RAB19: variants seen among roughly 807,000 people sequenced by gnomAD.
The protein encoded by RAB19 is ras-related protein Rab-19.
A neutral mutation model predicts 17.3 loss-of-function variants in RAB19; 21 were observed. The observed-to-expected ratio is 1.21, with a 90% CI of 0.86 to 1.74. The LOEUF (loss-of-function observed/expected upper bound fraction) is 1.74. RAB19 is among the 40% of genes most tolerant of loss of function. RAB19 has a pLI of 0.00. For synonymous variants in RAB19, 126 were observed against 110.4 expected, an observed-to-expected ratio of 1.14 and a Z score of -0.88; for missense variants, 277 against 286.8, an observed-to-expected ratio of 0.97 and a Z score of 0.25.
chr7:140,426,047 G>A lies in RAB19; in HGVS notation c.551G>A (p.Ser184Asn). 8 of 1,614,148 alleles carry A rather than the reference G, an allele frequency of 5.0e-6. No homozygotes were observed. The highest frequency in any genetic ancestry group is 6.8e-6 in the Non-Finnish European group (8 of 1,180,028). Residue 184 changes from serine to asparagine, a missense_variant, in exon 4 of 4, where the codon AGC becomes AAC. By Grantham distance (46) the Ser-to-Asn change is conservative. Coordinates refer to ENST00000537763, the MANE Select transcript of RAB19 (RefSeq NM_001008749.3). ...LMAKELIARNSLHLYGESALN... is the reference protein window; with the variant it reads ...LMAKELIARNNLHLYGESALN... ...GCCAAGGAGCTGATCGCGCGCAACAGCCTGCACCTATATGGGGAGAGTGCC... is the reference window on the plus strand; with the variant it reads ...GCCAAGGAGCTGATCGCGCGCAACAACCTGCACCTATATGGGGAGAGTGCC...
At chr7:140,415,853 T>G (rs111415111) in intron 3 of RAB19, among the ~76,000 whole-genome samples, 5 of 150,030 alleles carry the variant, frequency 3.3e-5, no homozygotes, top group South Asian at 2.1e-4. Context: ...TGCAGTGAGC[T>G]GAGATCACAC....
intron 3 of RAB19, among the ~76,000 whole-genome samples, chr7:140,418,396 C>CA (rs140238398): frequency 0.011 from 761 of 70,340 alleles, 14 homozygotes; most frequent in Middle Eastern, 0.022. Flanking sequence ...TGCTAAAATA[C>CA]AAAAAAAAAA....
chr7:140,409,088 G>T (rs1209082446), intron 2 of RAB19, among the ~76,000 whole-genome samples: 2 of 152,156 alleles, frequency 1.3e-5, no homozygotes, highest in African/African-American at 4.8e-5. Context: ...TAGTGGCCAG[G>T]CAAGGTGGCT....
intron 3 of RAB19, among the ~76,000 whole-genome samples, chr7:140,424,682 T>TATAC (rs1198729969): frequency 0.027 from 2,500 of 91,944 alleles, 73 homozygotes; most frequent in African/African-American, 0.11. Context: ...TATATATATA[T>TATAC]ACACATATCT....
In RAB19 at chr7:140,418,688, A is replaced by T. The variant is rs571865440; in HGVS notation, c.385+6631A>T. On this transcript the variant is annotated intron_variant, in intron 3 of 3. Coordinates refer to ENST00000537763, the MANE Select transcript of RAB19 (RefSeq NM_001008749.3). ...AGCCTGAACAACATAGGGAGACCCG[A>T]TCTCTACAAAAAAATTACAAATTAG... is the stretch of plus-strand genomic sequence containing the variant. Among the ~76,000 whole-genome samples the T allele has an allele frequency of 1.9e-4, 29 of 151,814 alleles. No individual in the cohort carries two copies. The South Asian group carries it at 2.9e-3, about 15-fold the overall frequency.
chr7:140,423,726 G>C (rs1373571950), intron 3 of RAB19, among the ~76,000 whole-genome samples: 3 of 152,198 alleles, frequency 2.0e-5, no homozygotes, highest in Non-Finnish European at 4.4e-5. Context: ...TGTGAGAATA[G>C]AACTGTTCAG....
intron 3 of RAB19, among the ~76,000 whole-genome samples, chr7:140,421,609 A>G (rs1799564180): frequency 6.6e-6 from 1 of 151,970 alleles, no homozygotes; most frequent in Non-Finnish European, 1.5e-5. Context: ...CACCAACCTC[A>G]GCCTCCCAAA....
In RAB19 at chr7:140,426,224, T is replaced by C; in HGVS notation, c.*74T>C. ...CAAAGGTAGCCAGGATACCGTAGTG[T>C]TGCCCCAGTGGCGCTTTAGACCCCA... On this transcript the variant is annotated 3_prime_UTR_variant, in exon 4 of 4. Transcript: ENST00000537763. 1.3e-6 allele frequency: 2 copies of C among 1,542,154 alleles called. No homozygotes were observed. Among genetic ancestry groups the C allele is most frequent in the African/African-American group, 1.4e-5 (1 of 72,772 alleles).
intron 2 of RAB19, 35 bp downstream of exon 2, chr7:140,407,882 T>G (rs1418611780): frequency 2.0e-5 from 2 of 100,068 alleles, no homozygotes; most frequent in Non-Finnish European, 2.8e-5. Flanking sequence ...GGTTCCACCT[T>G]TTTTTTTTTT....
chr7:140,411,109 C>A, intron 2 of RAB19: 1 of 1,367,244 alleles, frequency 7.3e-7, no homozygotes, highest in Non-Finnish European at 9.8e-7. Context: ...TAAAATAGGC[C>A]CACCTCTCGG....
In RAB19 at chr7:140,407,854, G is replaced by C; in HGVS notation, c.201+7G>C. The C allele has an allele frequency of 6.3e-7, 1 of 1,595,292 alleles. No individual in the cohort carries two copies. The highest frequency in any genetic ancestry group is 1.1e-5 in the South Asian group (1 of 90,604). On this transcript the variant is annotated splice_region_variant and intron_variant, in intron 2 of 3. Coordinates refer to ENST00000537763, the MANE Select transcript of RAB19 (RefSeq NM_001008749.3). ...TGACGGCAAAAAAGTGAAGGTCAGA[G>C]GGCACCGGGACGGGACTGGTTCCAC...
chr7:140,419,631 T>A (rs567037985), intron 3 of RAB19, among the ~76,000 whole-genome samples: 2 of 152,194 alleles, frequency 1.3e-5, no homozygotes, highest in Non-Finnish European at 2.9e-5. Flanking sequence ...ATATGTTTAT[T>A]GATGCCGATG....
intron 3 of RAB19, among the ~76,000 whole-genome samples, chr7:140,413,211 T>C (rs1413188849): frequency 1.3e-5 from 2 of 152,196 alleles, no homozygotes; most frequent in Non-Finnish European, 2.9e-5. Context: ...GATTTATTTC[T>C]GGATTCTGGA....
At chr7:140,407,497 G>A (rs1437017940) in intron 1 of RAB19, 127 bp from the exon 2 acceptor site, 1 of 651,606 alleles carries the variant, frequency 1.5e-6, no homozygotes, top group Non-Finnish European at 2.7e-6. Context: ...ACTCCTCTGT[G>A]CCCGACTAGC....
rs2130180392 is a variant in RAB19, at chr7:140,427,047, G to A, written c.*897G>A. On this transcript the variant is annotated 3_prime_UTR_variant, in exon 4 of 4. Coordinates refer to ENST00000537763, the MANE Select transcript of RAB19 (RefSeq NM_001008749.3). ...TGTAGAGACAAGGTTTCACCATGTT[G>A]CTCAGGCTGATCTTGAACTCCTGAG... Among the ~76,000 whole-genome samples, 1 of 151,184 alleles carries A rather than the reference G, an allele frequency of 6.6e-6. No individual in the cohort carries two copies. The highest frequency in any genetic ancestry group is 2.1e-4 in the South Asian group (1 of 4,770).
chr7:140,411,051 A>G (rs1799350541), intron 2 of RAB19: 1 of 1,367,784 alleles, frequency 7.3e-7, no homozygotes, highest in Non-Finnish European at 9.8e-7. Flanking sequence ...CCAAATCTGG[A>G]CCAAGTGATG....
At chr7:140,410,855 C>T (rs1292138353) in intron 2 of RAB19, 18 of 1,134,248 alleles carry the variant, frequency 1.6e-5, no homozygotes, top group Middle Eastern at 4.7e-4. Flanking sequence ...GAAATTGCTA[C>T]CCTCAGACAC....
chr7:140,416,604 A>G (rs1799462388), intron 3 of RAB19, among the ~76,000 whole-genome samples: 1 of 152,090 alleles, frequency 6.6e-6, no homozygotes, highest in African/African-American at 2.4e-5. Context: ...CCCTAACAAA[A>G]TGAAGAAGCC....
At chr7:140,416,824 C>T (rs375644815) in intron 3 of RAB19, among the ~76,000 whole-genome samples, 1 of 152,092 alleles carries the variant, frequency 6.6e-6, no homozygotes, top group East Asian at 1.9e-4. Flanking sequence ...CGCCGTGGCT[C>T]ACACCTATAA....
Sources: gnomAD v4.1 joint callset for allele counts (sites outside exome capture counted in the v4.1 genomes callset) on GRCh38, gnomAD v4.1.1 for gene constraint, MANE v1.5 for transcripts, NCBI Gene and HGNC (gene_info 2026-07-23, HGNC 2026-07-21) for gene names.